Variants in NLGN1 observed in about 807,000 individuals in gnomAD.
The protein encoded by NLGN1 is neuroligin-1.
A neutral mutation model predicts 65.5 loss-of-function variants in NLGN1; 12 were observed. That is an observed-to-expected ratio of 0.18 (90% CI 0.12 to 0.30). NLGN1 has a LOEUF of 0.30. Ranked by LOEUF, NLGN1 falls within the 10% of genes least tolerant of loss-of-function variation. The pLI, the probability that NLGN1 is intolerant of heterozygous loss-of-function variation, is 1.00. For missense variants in NLGN1, 750 were observed against 1,007.1 expected (o/e 0.74, Z 3.46); for synonymous variants, 350 against 359.5 (o/e 0.97, Z 0.30).
At chr3:173,493,959 T>A (rs900856980) in intron 2 of NLGN1, among the ~76,000 whole-genome samples, 3 of 151,818 alleles carry the variant, frequency 2.0e-5, no homozygotes. Context: ...ATCCTCAGAT[T>A]CAGCGATTAC....
chr3:173,733,594 C>T (rs1210273491), intron 3 of NLGN1, among the ~76,000 whole-genome samples: 2 of 152,036 alleles, frequency 1.3e-5, no homozygotes, highest in Non-Finnish European at 2.9e-5. Context: ...ACTTTTTCTC[C>T]TGGGTAAGAT....
chr3:173,828,545 T>C (rs775433955), intron 4 of NLGN1, among the ~76,000 whole-genome samples: 3 of 152,182 alleles, frequency 2.0e-5, no homozygotes, highest in Non-Finnish European at 2.9e-5. Flanking sequence ...TTTACCTTTT[T>C]TACCTCATAT....
chr3:174,137,577 C>A (rs1721447401), intron 4 of NLGN1, among the ~76,000 whole-genome samples: 1 of 152,034 alleles, frequency 6.6e-6, no homozygotes. Context: ...GGTACTGAAA[C>A]AATTTTAAAA....
At chr3:173,707,507 T>C (rs1445157024) in intron 3 of NLGN1, among the ~76,000 whole-genome samples, 2 of 151,872 alleles carry the variant, frequency 1.3e-5, no homozygotes, top group Non-Finnish European at 2.9e-5. Context: ...AATATAATAA[T>C]TATATATTAT....
Position 173,517,662 on chromosome 3 carries a change from A to G in NLGN1, c.-321+82584A>G, listed in dbSNP as rs187507942. Among the ~76,000 whole-genome samples the G allele has an allele frequency of 2.7e-3, 415 of 152,152 alleles. 1 individual carries two copies. Among genetic ancestry groups the G allele is most frequent in the African/African-American group, 9.7e-3 (404 of 41,534 alleles). ...TCCATATACAGTCTATGTATTCTCA[A>G]CATCTATGTTTATATGTATGTGATT... On this transcript the variant is annotated intron_variant, in intron 2 of 6. Transcript: ENST00000457714.
In NLGN1 at chr3:173,788,194, C is replaced by G. The variant is rs141556668; in HGVS notation, c.494-19486C>G. On this transcript the variant is annotated intron_variant, in intron 3 of 6. Transcript: ENST00000457714. ...TTTTTTCTAATGCTATAAACCCAGA[C>G]TTGACATTTTGCAAAAAAAAAAAAA... 2.4e-3 allele frequency among the ~76,000 whole-genome samples: 227 copies of G among 93,826 alleles called. 2 individuals carry two copies. The East Asian group carries it at 0.047, about 19-fold the overall frequency. The allele number at this position is 93,826 out of a possible 152,430, so 61.6% of individuals were successfully genotyped here.
chr3:173,632,975 ATTG>A lies in NLGN1; in HGVS notation c.493+27890_493+27892del, dbSNP rs1755967428. ...AGCAAACTATCTTGGTGGCCAAATG[ATTG>A]TTGTTTGCTCTTAAAATATTTTTCT... On this transcript the variant is annotated intron_variant, in intron 3 of 6. Coordinates refer to ENST00000457714, the Ensembl canonical transcript of NLGN1. 4.0e-5 allele frequency among the ~76,000 whole-genome samples: 6 copies of A among 150,838 alleles called. No homozygotes were observed. In the South Asian group the frequency reaches 1.3e-3, roughly 32 times the overall value.
intron 2 of NLGN1, among the ~76,000 whole-genome samples, chr3:173,524,027 T>C (rs1735211818): frequency 6.7e-6 from 1 of 150,150 alleles, no homozygotes; most frequent in Non-Finnish European, 1.5e-5. Context: ...TTCATGCCAT[T>C]CTCCTGCCTT....
intron 4 of NLGN1, among the ~76,000 whole-genome samples, chr3:173,824,658 T>G (rs1198198873): frequency 5.9e-5 from 9 of 152,102 alleles, no homozygotes. Flanking sequence ...TTAGATTTCT[T>G]TTTTCTTTTA....
At chr3:173,823,785 A>T (rs1320520593) in intron 4 of NLGN1, among the ~76,000 whole-genome samples, 2 of 152,032 alleles carry the variant, frequency 1.3e-5, no homozygotes, top group Non-Finnish European at 2.9e-5. Context: ...ATTTGCAACA[A>T]GAACCCTCAA....
intron 4 of NLGN1, among the ~76,000 whole-genome samples, chr3:173,974,564 G>A (rs1207708405): frequency 6.6e-6 from 1 of 151,956 alleles, no homozygotes; most frequent in Non-Finnish European, 1.5e-5. Context: ...TTTGTGATTT[G>A]AGGTGGGAAG....
At chr3:174,045,560 C>G (rs1039053247) in intron 4 of NLGN1, among the ~76,000 whole-genome samples, 1 of 152,016 alleles carries the variant, frequency 6.6e-6, no homozygotes, top group African/African-American at 2.4e-5. Flanking sequence ...TATATTATGT[C>G]CCTTAATGAA....
intron 3 of NLGN1, among the ~76,000 whole-genome samples, chr3:173,716,489 G>A (rs1385615238): frequency 1.3e-5 from 2 of 152,062 alleles, no homozygotes; most frequent in Admixed American, 1.3e-4. Context: ...GAAGCAAGAG[G>A]CAGCAGGGTC....
intron 4 of NLGN1, among the ~76,000 whole-genome samples, chr3:173,867,576 G>T (rs1323116501): frequency 6.6e-6 from 1 of 151,794 alleles, no homozygotes; most frequent in Non-Finnish European, 1.5e-5. Context: ...TATAATGTTG[G>T]TATGTTCTCT....
intron 2 of NLGN1, among the ~76,000 whole-genome samples, chr3:173,570,337 C>T (rs142108408): frequency 1.1e-3 from 167 of 152,282 alleles, no homozygotes; most frequent in African/African-American, 3.8e-3. Flanking sequence ...AGTAGCGCAG[C>T]ATGCTTAGAG....
intron 4 of NLGN1, among the ~76,000 whole-genome samples, chr3:173,837,002 A>G (rs1723745433): frequency 6.6e-6 from 1 of 152,150 alleles, no homozygotes; most frequent in African/African-American, 2.4e-5. Flanking sequence ...AAACACTATA[A>G]TATGTGTTAT....
chr3:173,654,621 A>G (rs994468049), intron 3 of NLGN1, among the ~76,000 whole-genome samples: 3 of 152,156 alleles, frequency 2.0e-5, no homozygotes, highest in Non-Finnish European at 4.4e-5. Context: ...TGTGATTGAT[A>G]TATATGTTTA....
chr3:173,452,123 G>A (rs760405281), intron 2 of NLGN1, among the ~76,000 whole-genome samples: 5 of 152,132 alleles, frequency 3.3e-5, no homozygotes, highest in Non-Finnish European at 7.3e-5. Context: ...AGTTGGTAAT[G>A]CAGAAATCAC....
chr3:173,939,414 G>A (rs1305642636), intron 4 of NLGN1, among the ~76,000 whole-genome samples: 2 of 152,044 alleles, frequency 1.3e-5, no homozygotes, highest in East Asian at 1.9e-4. Context: ...TTCATTGATC[G>A]CTAATCACCT....
Sources: gnomAD v4.1 joint callset for allele counts (sites outside exome capture counted in the v4.1 genomes callset) on GRCh38, gnomAD v4.1.1 for gene constraint, MANE v1.5 for transcripts, NCBI Gene and HGNC (gene_info 2026-07-23, HGNC 2026-07-21) for gene names.